The following PRKN variants were observed in gnomAD, a reference collection of about 807,000 sequenced individuals.
PRKN encodes the protein E3 ubiquitin-protein ligase parkin.
Under a neutral mutation model 59.5 loss-of-function variants are expected in PRKN, and 56 were observed. The observed-to-expected ratio is 0.94, with a 90% confidence interval of 0.76 to 1.18. The LOEUF is 1.18. PRKN is among the 50% of genes most tolerant of loss of function. The pLI is 0.00. For synonymous variants in PRKN, 250 were observed against 222.1 expected (o/e 1.13, Z -1.12); for missense variants, 657 against 596.4 (o/e 1.10, Z -1.06).
Position 161,445,298 on chromosome 6 carries a change from T to C in PRKN, c.1084-58421A>G, listed in dbSNP as rs1789433288. On this transcript the variant is annotated intron_variant, in intron 9 of 11. Transcript: ENST00000366898. This position sits in a 1 kb window ranked among gnomAD's most constrained non-coding sequence, Gnocchi z 7.7. ...TAGACCGCATGTGACCTGCTGGTGC[T>C]CGGCACTGACCCAGGGGAGGAGGGC... 6.6e-6 allele frequency among the ~76,000 whole-genome samples: 1 copy of C among 152,056 alleles called. No individual in the cohort carries two copies. The highest frequency in any genetic ancestry group is 2.1e-4 in the South Asian group (1 of 4,810).
chr6:162,519,387 AGTTACTAGTATT>A (rs1332629851), intron 1 of PRKN, among the ~76,000 whole-genome samples: 20 of 152,258 alleles, frequency 1.3e-4, no homozygotes, highest in African/African-American at 4.8e-4. Flanking sequence ...GCTCTGGGCC[AGTTACTAGTATT>A]AGCCTATGAG....
Position 161,629,915 on chromosome 6 carries a change from G to A in PRKN, c.872-60499C>T, listed in dbSNP as rs116901478. 4.5e-3 allele frequency among the ~76,000 whole-genome samples: 686 copies of A among 152,322 alleles called. 13 individuals carry two copies. The East Asian group carries it at 0.057, about 13-fold the overall frequency. The stretch of plus-strand genomic sequence containing the variant: ...TTCAAAGGCACTCTGCTTCCACTCT[G>A]TGACAATAGCGCCAGGTCTGAGTCT... On this transcript the variant is annotated intron_variant, in intron 7 of 11. Transcript: ENST00000366898.
chr6:161,986,637 G>GGTT (rs766652630), intron 5 of PRKN, among the ~76,000 whole-genome samples: 2 of 151,954 alleles, frequency 1.3e-5, no homozygotes, highest in African/African-American at 2.4e-5. Flanking sequence ...GTACTGGAAG[G>GGTT]GTTCATCACT....
intron 2 of PRKN, among the ~76,000 whole-genome samples, chr6:162,383,337 C>T (rs1038090219): frequency 2.6e-5 from 4 of 152,096 alleles, no homozygotes; most frequent in East Asian, 1.9e-4. Flanking sequence ...ACAGAATGAC[C>T]GTTATGTTAG....
At chr6:161,884,118 T>G (rs368675030) in intron 6 of PRKN, among the ~76,000 whole-genome samples, 1 of 152,226 alleles carries the variant, frequency 6.6e-6, no homozygotes, top group East Asian at 1.9e-4. Flanking sequence ...TATTTCTGGT[T>G]GTACAGCCTT....
Position 161,366,982 on chromosome 6 carries a change from CTTTTTTTTTTTTT to C in PRKN, c.1168-6790_1168-6778del, listed in dbSNP as rs57164972. The stretch of plus-strand genomic sequence containing the variant: ...AAGTTTTTTGGGGTTTTTTTGTTTC[CTTTTTTTTTTTTT>C]TTTTTTTTTTTTTGAGACAGAGTGT... On this transcript the variant is annotated intron_variant, in intron 10 of 11. Coordinates refer to ENST00000366898, the MANE Select transcript of PRKN (RefSeq NM_004562.3). Among the ~76,000 whole-genome samples the C allele has an allele frequency of 5.4e-5, 5 of 91,970 alleles. 1 individual carries two copies. Among genetic ancestry groups the C allele is most frequent in the South Asian group, 9.1e-4 (2 of 2,208 alleles). 60.3% of individuals were successfully genotyped at this position (91,970 alleles called of 152,430 possible).
intron 7 of PRKN, among the ~76,000 whole-genome samples, chr6:161,715,615 C>A (rs1447777162): frequency 6.6e-6 from 1 of 152,118 alleles, no homozygotes; most frequent in Non-Finnish European, 1.5e-5. Flanking sequence ...TGACATTGTT[C>A]CTTCTTAAAC....
intron 6 of PRKN, among the ~76,000 whole-genome samples, chr6:161,939,088 C>T (rs1360212222): frequency 3.9e-5 from 6 of 152,082 alleles, no homozygotes. Flanking sequence ...AGAATATCAA[C>T]CAACTTCAAT....
chr6:162,147,244 A>G (rs2849574), intron 4 of PRKN, among the ~76,000 whole-genome samples: 149,903 of 150,958 alleles, frequency 0.99, 74,469 homozygotes, highest in Middle Eastern at 1. Context: ...TAGGGAGGCT[A>G]AGGTGGGAGA....
intron 6 of PRKN, among the ~76,000 whole-genome samples, chr6:161,838,527 C>A (rs1309474190): frequency 6.6e-6 from 1 of 152,216 alleles, no homozygotes; most frequent in Admixed American, 6.5e-5. Context: ...TGTCATGGGG[C>A]TTAAATGAGA....
intron 9 of PRKN, among the ~76,000 whole-genome samples, chr6:161,408,976 C>T (rs764380486): frequency 1.3e-4 from 20 of 152,060 alleles, no homozygotes; most frequent in Admixed American, 7.2e-4. Flanking sequence ...GACAGAGTCT[C>T]GCTCTGTTGC....
intron 3 of PRKN, among the ~76,000 whole-genome samples, chr6:162,234,419 G>A (rs113700060): frequency 1.3e-5 from 2 of 152,290 alleles, no homozygotes; most frequent in African/African-American, 4.8e-5. Context: ...AATGACACAA[G>A]TCATATGTTT....
chr6:162,570,236 G>A (rs781678436), intron 1 of PRKN, among the ~76,000 whole-genome samples: 18 of 152,232 alleles, frequency 1.2e-4, no homozygotes, highest in African/African-American at 4.1e-4. Context: ...AGAGAAAGGC[G>A]AATCAAAACT....
chr6:161,901,099 G>A (rs1256364549), intron 6 of PRKN, among the ~76,000 whole-genome samples: 1 of 151,614 alleles, frequency 6.6e-6, no homozygotes, highest in East Asian at 1.9e-4. Context: ...TGTATTTTTA[G>A]TAGAGATGGG....
chr6:162,185,012 T>C (rs1783964438), intron 4 of PRKN, among the ~76,000 whole-genome samples: 1 of 152,182 alleles, frequency 6.6e-6, no homozygotes, highest in Admixed American at 6.6e-5. Context: ...TTCTGACTAA[T>C]CTTAACAAAG....
intron 7 of PRKN, among the ~76,000 whole-genome samples, chr6:161,599,701 C>T (rs1782039735): frequency 6.6e-6 from 1 of 152,180 alleles, no homozygotes; most frequent in Admixed American, 6.5e-5. Context: ...TTGAATTGTT[C>T]TAGCTGTGTT....
In PRKN at chr6:161,551,340, G is replaced by A. The variant is rs776028230; in HGVS notation, c.934-2337C>T. ...TCCTGCCTGAGTCTCAGGATTACCT[G>A]CATCCTTGAAATTATTCGTAAAGCT... On this transcript the variant is annotated intron_variant, in intron 8 of 11. Coordinates refer to ENST00000366898, the MANE Select transcript of PRKN (RefSeq NM_004562.3). The surrounding 1 kb of genome is among the most constrained non-coding windows in gnomAD (Gnocchi z 5.2). Among the ~76,000 whole-genome samples the A allele has an allele frequency of 2.6e-5, 4 of 152,176 alleles. No individual in the cohort carries two copies. Among genetic ancestry groups the A allele is most frequent in the Non-Finnish European group, 4.4e-5 (3 of 68,030 alleles).
At chr6:162,026,174 T>C (rs1252294353) in intron 5 of PRKN, among the ~76,000 whole-genome samples, 2 of 152,198 alleles carry the variant, frequency 1.3e-5, no homozygotes, top group African/African-American at 4.8e-5. Flanking sequence ...CTGTGTAACT[T>C]TGTGGACTAT....
chr6:162,420,262 C>T (rs1555008), intron 2 of PRKN, among the ~76,000 whole-genome samples: 1 of 150,622 alleles, frequency 6.6e-6, no homozygotes, highest in South Asian at 2.1e-4. Context: ...TTCACAATGG[C>T]GGGGAGGGGG....
Sources: allele counts gnomAD v4.1 joint callset (sites outside exome capture counted in the v4.1 genomes callset), GRCh38; gene constraint gnomAD v4.1.1; non-coding constraint Gnocchi (gnomAD v3.1); transcripts MANE v1.5; gene names NCBI Gene and HGNC (gene_info 2026-07-23, HGNC 2026-07-21).